Variants in DPP6 observed in about 807,000 individuals in gnomAD.
DPP6 encodes dipeptidyl peptidase like 6.
DPP6 carries 69 observed loss-of-function variants against 122.6 expected under a neutral mutation model. The ratio of observed to expected loss-of-function variants is 0.56; its 90% CI spans 0.46 to 0.69. The LOEUF (loss-of-function observed/expected upper bound fraction) is 0.69, where lower values mean the gene tolerates loss of function less well. Among genes scored for constraint, DPP6 ranks in the 30% least tolerant of loss-of-function variants. DPP6 has a pLI of 0.00. For missense variants in DPP6, 928 were observed against 1,116.9 expected (o/e 0.83, Z 2.41); for synonymous variants, 418 against 433.1 (o/e 0.97, Z 0.43).
intron 8 of DPP6, among the ~76,000 whole-genome samples, chr7:154,732,024 C>T (rs548699029): frequency 7.8e-4 from 119 of 151,934 alleles, no homozygotes; most frequent in Non-Finnish European, 1.0e-3. Context: ...TTATAAATTA[C>T]TCTTTGTTTT....
Position 154,370,296 on chromosome 7 carries a change from T to A in DPP6, c.244-75918T>A, listed in dbSNP as rs548208112. 4.6e-5 allele frequency among the ~76,000 whole-genome samples: 7 copies of A among 150,816 alleles called. No homozygotes were observed. The South Asian group carries it at 1.5e-3, about 31-fold the overall frequency. On this transcript the variant is annotated intron_variant, in intron 1 of 25. Coordinates refer to ENST00000377770, the MANE Select transcript of DPP6 (RefSeq NM_130797.4). ...CCACGCTGGGCTGGATATATGCATT[T>A]AATAGGGACTCTTTGATGCCTGAGG...
At chr7:153,862,189 G>C in the DPP6 span, among the ~76,000 whole-genome samples, 1 of 152,176 alleles carries the variant, frequency 6.6e-6, no homozygotes, top group East Asian at 1.9e-4. Context: ...CCAGGATGTA[G>C]TTGTAACAAA....
chr7:153,847,294 T>C, the DPP6 span, among the ~76,000 whole-genome samples: 41 of 152,238 alleles, frequency 2.7e-4, no homozygotes, highest in Non-Finnish European at 5.1e-4. Context: ...ATTATCCCTC[T>C]CTTCACTCAC....
At position 154,769,481 on chromosome 7, in the gene DPP6, C is replaced by G; in HGVS notation, c.948C>G (p.Ala316=). The G allele has an allele frequency of 6.2e-7, 1 of 1,613,754 alleles. No homozygotes were observed. The highest frequency in any genetic ancestry group is 1.1e-5 in the South Asian group (1 of 91,054). Residue 316 remains alanine (A), a synonymous_variant, in exon 9 of 26, where the codon GCC becomes GCG. Coordinates refer to ENST00000377770, the MANE Select transcript of DPP6 (RefSeq NM_130797.4). ...CGGATGGCACGAGACTCGCCTACGCCGCCATCAATGATTCCCGTGTCCCCA... is the reference window on the plus strand; with the variant it reads ...CGGATGGCACGAGACTCGCCTACGCGGCCATCAATGATTCCCGTGTCCCCA... ...WSPDGTRLAY[A]AINDSRVPIM...
chr7:153,884,326 C>T (rs1457763536), upstream of DPP6, among the ~76,000 whole-genome samples: 1 of 152,174 alleles, frequency 6.6e-6, no homozygotes, highest in African/African-American at 2.4e-5. Flanking sequence ...CATGTCCCTA[C>T]AAAGGACATG....
At chr7:154,104,357 T>C in intron 1 of DPP6, among the ~76,000 whole-genome samples, 1 of 152,246 alleles carries the variant, frequency 6.6e-6, no homozygotes, top group Admixed American at 6.5e-5. Flanking sequence ...CCTTTGTCAG[T>C]GGCTAGAAAA....
intron 1 of DPP6, among the ~76,000 whole-genome samples, chr7:154,411,577 C>A (rs1243133199): frequency 6.6e-6 from 1 of 152,140 alleles, no homozygotes; most frequent in Non-Finnish European, 1.5e-5. Context: ...ATGATTCTTT[C>A]TGAATATCAG....
intron 1 of DPP6, among the ~76,000 whole-genome samples, chr7:153,909,181 C>T (rs1365810398): frequency 6.6e-6 from 1 of 152,088 alleles, no homozygotes. Flanking sequence ...CTTGGATGAT[C>T]TTGGGTCTTG....
chr7:154,335,178 T>G (rs1484196582), intron 1 of DPP6, among the ~76,000 whole-genome samples: 1 of 152,228 alleles, frequency 6.6e-6, no homozygotes, highest in Non-Finnish European at 1.5e-5. Flanking sequence ...CTACTTAACA[T>G]TGCCACGTTA....
At chr7:153,924,387 C>T (rs373384364) in intron 1 of DPP6, among the ~76,000 whole-genome samples, 2 of 152,120 alleles carry the variant, frequency 1.3e-5, no homozygotes, top group Non-Finnish European at 2.9e-5. Context: ...GGATTACAGG[C>T]GTGAGCCACT....
At chr7:153,912,547 C>G (rs1289910493) in intron 1 of DPP6, among the ~76,000 whole-genome samples, 1 of 152,296 alleles carries the variant, frequency 6.6e-6, no homozygotes, top group East Asian at 1.9e-4. Flanking sequence ...AAAATTGCAG[C>G]ATTTCCTACA....
chr7:154,524,323 G>A (rs1384244983), intron 3 of DPP6, among the ~76,000 whole-genome samples: 1 of 152,182 alleles, frequency 6.6e-6, no homozygotes. Context: ...TTTGACCATG[G>A]AGAGCCCCTC....
intron 7 of DPP6, among the ~76,000 whole-genome samples, chr7:154,694,527 G>A (rs201731624): frequency 2.0e-5 from 3 of 152,180 alleles, no homozygotes; most frequent in Admixed American, 1.3e-4. Flanking sequence ...CAGGAGAATC[G>A]CTTGAACCCG....
the DPP6 span, among the ~76,000 whole-genome samples, chr7:153,846,570 A>G: frequency 6.6e-6 from 1 of 151,848 alleles, no homozygotes; most frequent in Non-Finnish European, 1.5e-5. Context: ...ACCTTGGTGA[A>G]ATTTCATGTA....
chr7:154,349,372 C>T (rs1411484282), intron 1 of DPP6, among the ~76,000 whole-genome samples: 2 of 152,262 alleles, frequency 1.3e-5, no homozygotes, highest in East Asian at 3.9e-4. Flanking sequence ...GATGGGGTTT[C>T]ACCATGTCGG....
intron 1 of DPP6, among the ~76,000 whole-genome samples, chr7:154,420,342 C>T (rs1817366764): frequency 6.6e-6 from 1 of 152,108 alleles, no homozygotes; most frequent in South Asian, 2.1e-4. Context: ...AGAAGGAGAT[C>T]CTGCCACTTG....
At chr7:154,104,239 A>C (rs556188346) in intron 1 of DPP6, among the ~76,000 whole-genome samples, 1 of 152,318 alleles carries the variant, frequency 6.6e-6, no homozygotes, top group East Asian at 1.9e-4. Context: ...AATCACTTGG[A>C]AATGCAGCTG....
chr7:154,728,569 G>A (rs556393699), intron 8 of DPP6, among the ~76,000 whole-genome samples: 4 of 152,360 alleles, frequency 2.6e-5, no homozygotes, highest in African/African-American at 9.6e-5. Context: ...GGCACTGCTG[G>A]AAGCACTTTG....
intron 1 of DPP6, among the ~76,000 whole-genome samples, chr7:154,438,076 A>G (rs2151272282): frequency 1.3e-5 from 2 of 152,348 alleles, no homozygotes; most frequent in Middle Eastern, 6.8e-3. Context: ...ACCAGGGAGC[A>G]GGCGCTGGAT....
Sources: allele counts gnomAD v4.1 joint callset (sites outside exome capture counted in the v4.1 genomes callset), GRCh38; gene constraint gnomAD v4.1.1; transcripts MANE v1.5; gene names NCBI Gene and HGNC (gene_info 2026-07-23, HGNC 2026-07-21).